YEATS2: variants seen among roughly 807,000 people sequenced by gnomAD.
The protein encoded by YEATS2 is YEATS domain containing 2.
In YEATS2, 77 loss-of-function variants were observed where a neutral mutation model predicts 163.2. That is an observed-to-expected ratio of 0.47 (90% confidence interval 0.39 to 0.57). YEATS2 has a LOEUF of 0.57. Ranked by LOEUF, YEATS2 falls within the 20% of genes least tolerant of loss-of-function variation. The pLI, the probability that YEATS2 is intolerant of heterozygous loss-of-function variation, is 0.00. For missense variants in YEATS2, 1,549 were observed against 1,729.8 expected, an observed-to-expected ratio of 0.90 and a Z score of 1.85; for synonymous variants, 631 against 645.1, an observed-to-expected ratio of 0.98 and a Z score of 0.33.
intron 14 of YEATS2, 102 bp from the exon 15 acceptor site, chr3:183,761,995 C>T (rs1721404515): frequency 6.8e-7 from 1 of 1,477,880 alleles, no homozygotes; most frequent in Admixed American, 1.7e-5. Context: ...CAAGTTTCAT[C>T]AATTCATTAA....
chr3:183,806,929 TC>T lies in YEATS2; in HGVS notation c.3850del (p.Gln1284ArgfsTer20). On this transcript the variant is annotated frameshift_variant, in exon 28 of 31. Transcript: ENST00000305135. LOFTEE classifies it high-confidence loss of function. ...CGCAAACTGGAGGACCTGCAACAGT[TC>T]CAGAAAAGGGAACCCGAGAATGAGG... ...LCRKLEDLQQ[F>X]QKREPENEEE... The T allele has an allele frequency of 6.2e-7, 1 of 1,613,944 alleles. No homozygotes were observed. Among genetic ancestry groups the T allele is most frequent in the Non-Finnish European group, 8.5e-7 (1 of 1,179,988 alleles).
intron 20 of YEATS2, 149 bp downstream of exon 20, chr3:183,786,450 G>C: frequency 1.3e-6 from 1 of 772,286 alleles, no homozygotes; most frequent in Non-Finnish European, 2.0e-6. Context: ...TACCATAAAA[G>C]TCCCCATTTT....
At chr3:183,785,665 A>G (rs563499211) in intron 19 of YEATS2, among the ~76,000 whole-genome samples, 3 of 152,192 alleles carry the variant, frequency 2.0e-5, no homozygotes, top group Admixed American at 1.3e-4. Context: ...CTAAAAAAAT[A>G]AAATAAAATA....
chr3:183,720,302 A>G (rs1178192313), intron 4 of YEATS2, among the ~76,000 whole-genome samples: 2 of 152,216 alleles, frequency 1.3e-5, no homozygotes, highest in Non-Finnish European at 2.9e-5. Flanking sequence ...ATTCAGGCAT[A>G]GGGGTTAGGA....
chr3:183,798,999 A>T lies in YEATS2; in HGVS notation c.3325+10A>T. 6.2e-7 allele frequency: 1 copy of T among 1,605,148 alleles called. No homozygotes were observed. Among genetic ancestry groups the T allele is most frequent in the Non-Finnish European group, 8.5e-7 (1 of 1,171,884 alleles). Reference sequence around the variant, plus strand: ...GCAGCTGTTGCAAAAGGTACGTAGGATCTCACAGAGTTCTCGTCCAGAAGT... The same window carrying T: ...GCAGCTGTTGCAAAAGGTACGTAGGTTCTCACAGAGTTCTCGTCCAGAAGT... On this transcript the variant is annotated intron_variant, in intron 23 of 30. Coordinates refer to ENST00000305135, the MANE Select transcript of YEATS2 (RefSeq NM_018023.5).
chr3:183,698,042 T>C (rs1356354468), intron 1 of YEATS2, 49 bp downstream of exon 1: 11 of 151,614 alleles, frequency 7.3e-5, no homozygotes, highest in Admixed American at 6.6e-4. Flanking sequence ...CGCGCCCCGC[T>C]CTCCGGGGCA....
At chr3:183,752,708 C>CA (rs1269458468) in intron 10 of YEATS2, among the ~76,000 whole-genome samples, 1,233 of 59,706 alleles carry the variant, frequency 0.021, 12 homozygotes, top group Non-Finnish European at 0.031. Flanking sequence ...GACTCCATCT[C>CA]AAAAAAAAAA....
In YEATS2 at chr3:183,809,167, A is replaced by G. The variant is rs201944894; in HGVS notation, c.4157A>G (p.Asn1386Ser). 10 of 1,614,042 alleles carry G rather than the reference A, an allele frequency of 6.2e-6. No homozygotes were observed. The highest frequency in any genetic ancestry group is 1.3e-5 in the African/African-American group (1 of 75,032). ...GTTGGATACCAGACAGCTTCTCACA[A>G]CAGGTATTACTATCTCTGCAGTCTG... ...LAVGYQTASH[N>S]RIPKEITVSN... is the part of the protein sequence containing the mutation. The change falls in exon 30 of 31, where the codon AAC (asparagine) becomes AGC (serine). Residue 1386 changes from asparagine (N) to serine (S), a missense_variant. Physicochemically the swap from Asn to Ser is conservative, Grantham distance 46 (BLOSUM62 1). Transcript: ENST00000305135.
intron 15 of YEATS2, among the ~76,000 whole-genome samples, chr3:183,765,877 G>T (rs1721853904): frequency 6.6e-6 from 1 of 151,852 alleles, no homozygotes; most frequent in African/African-American, 2.4e-5. Context: ...AACCTGGGAG[G>T]TCAAGGTTGC....
intron 27 of YEATS2, among the ~76,000 whole-genome samples, chr3:183,804,717 G>A (rs562806471): frequency 2.6e-5 from 4 of 152,192 alleles, no homozygotes; most frequent in African/African-American, 7.2e-5. Flanking sequence ...GCCGGGCGCC[G>A]TGGCTCACGC....
At chr3:183,708,228 C>T (rs1261103301) in intron 1 of YEATS2, among the ~76,000 whole-genome samples, 2 of 140,204 alleles carry the variant, frequency 1.4e-5, no homozygotes, top group East Asian at 4.4e-4. Flanking sequence ...GTGGCACGAT[C>T]TCGGCTCACT....
intron 9 of YEATS2, among the ~76,000 whole-genome samples, chr3:183,748,192 C>T (rs915216369): frequency 1.5e-4 from 22 of 151,090 alleles, no homozygotes; most frequent in Non-Finnish European, 2.7e-4. Flanking sequence ...CTTGTCTCCC[C>T]TCCCTCCTCT....
At chr3:183,735,133 T>C (rs1292138963) in intron 7 of YEATS2, among the ~76,000 whole-genome samples, 1 of 152,212 alleles carries the variant, frequency 6.6e-6, no homozygotes, top group Non-Finnish European at 1.5e-5. Context: ...TTAGGCCATG[T>C]ACATAAATTG....
chr3:183,764,325 C>T (rs895895837), intron 15 of YEATS2, among the ~76,000 whole-genome samples: 7 of 140,336 alleles, frequency 5.0e-5, no homozygotes, highest in African/African-American at 1.1e-4. Flanking sequence ...GAGCTGAGAT[C>T]GCACCATTGC....
chr3:183,722,204 T>G, intron 5 of YEATS2, 68 bp downstream of exon 5: 1 of 1,518,248 alleles, frequency 6.6e-7, no homozygotes, highest in Non-Finnish European at 8.9e-7. Flanking sequence ...AAGTATGCGC[T>G]TGTTATCTCA....
chr3:183,777,385 A>G (rs1372116150), intron 18 of YEATS2, among the ~76,000 whole-genome samples, 157 bp from the exon 19 acceptor site: 2 of 152,228 alleles, frequency 1.3e-5, no homozygotes, highest in African/African-American at 4.8e-5. Flanking sequence ...CTTAGAGCAC[A>G]ACTATTCTTT....
rs560392844 is a variant in YEATS2, at chr3:183,730,366, A to G, written c.812+1515A>G. ...AGGCATGAGCTACCATGTCCGGCCC[A>G]TATTGATTGTATAAATGCACTGTGG... is the stretch of plus-strand genomic sequence containing the variant. On this transcript the variant is annotated intron_variant, in intron 7 of 30. Coordinates refer to ENST00000305135, the MANE Select transcript of YEATS2 (RefSeq NM_018023.5). Among the ~76,000 whole-genome samples the G allele has an allele frequency of 4.6e-5, 7 of 152,170 alleles. No homozygotes were observed. In the South Asian group the frequency reaches 1.2e-3, roughly 27 times the overall value.
intron 14 of YEATS2, 143 bp downstream of exon 14, chr3:183,761,757 A>G: frequency 1.3e-6 from 1 of 794,390 alleles, no homozygotes. Flanking sequence ...GTATTTAATG[A>G]TGTCCTCAGG....
intron 15 of YEATS2, among the ~76,000 whole-genome samples, chr3:183,764,110 G>T (rs1721653513): frequency 6.6e-6 from 1 of 151,892 alleles, no homozygotes. Context: ...GGTGGCTCAC[G>T]CCCGTAATCC....
Sources: gnomAD v4.1 joint callset for allele counts (sites outside exome capture counted in the v4.1 genomes callset) on GRCh38, gnomAD v4.1.1 for gene constraint, MANE v1.5 for transcripts, NCBI Gene and HGNC (gene_info 2026-07-23, HGNC 2026-07-21) for gene names.